Variants in DCUN1D3 observed in about 807,000 individuals in gnomAD.
DCUN1D3 encodes the protein DCN1-like protein 3.
Under a neutral mutation model 24.8 loss-of-function variants are expected in DCUN1D3, and 6 were observed. The observed-to-expected ratio is 0.24, with a 90% CI of 0.13 to 0.48. DCUN1D3 has a LOEUF of 0.48. Among genes scored for constraint, DCUN1D3 ranks in the 20% least tolerant of loss-of-function variants. The pLI, the probability that DCUN1D3 is intolerant of heterozygous loss-of-function variation, is 0.99. For synonymous variants in DCUN1D3, 120 were observed against 144.9 expected (o/e 0.83, Z 1.24); for missense variants, 258 against 379.4 (o/e 0.68, Z 2.66).
intron 1 of DCUN1D3, among the ~76,000 whole-genome samples, chr16:20,881,083 T>A (rs894458369): frequency 6.6e-6 from 1 of 152,224 alleles, no homozygotes; most frequent in African/African-American, 2.4e-5. Flanking sequence ...CAAGTAGTTT[T>A]CAAACTTTAA....
intron 1 of DCUN1D3, among the ~76,000 whole-genome samples, chr16:20,894,313 AG>A (rs1259423381): frequency 1.3e-5 from 2 of 152,290 alleles, no homozygotes; most frequent in Admixed American, 1.3e-4. Flanking sequence ...AAAAAGGGGC[AG>A]GTTTTTTCAA....
Position 20,889,870 on chromosome 16 carries a change from C to T in DCUN1D3, c.-106+10334G>A, listed in dbSNP as rs138520979. ...AGAAAGACCAAGCACATGATTAGACCTCAAAGCCCTACTTTCTGAGCTTTG... is the reference window on the plus strand; with the variant it reads ...AGAAAGACCAAGCACATGATTAGACTTCAAAGCCCTACTTTCTGAGCTTTG... On this transcript the variant is annotated intron_variant, in intron 1 of 2. Coordinates refer to ENST00000324344, the MANE Select transcript of DCUN1D3 (RefSeq NM_173475.4). Among the ~76,000 whole-genome samples the T allele has an allele frequency of 1.5e-3, 229 of 152,262 alleles. 1 individual carries two copies. Among genetic ancestry groups the T allele is most frequent in the African/African-American group, 5.3e-3 (221 of 41,538 alleles).
intron 1 of DCUN1D3, among the ~76,000 whole-genome samples, chr16:20,877,771 G>C (rs12918866): frequency 6.6e-6 from 1 of 152,166 alleles, no homozygotes; most frequent in African/African-American, 2.4e-5. Flanking sequence ...TCCTAAGAAT[G>C]CAGAACTCAA....
At chr16:20,865,939 A>G (rs1453919747) in intron 1 of DCUN1D3, among the ~76,000 whole-genome samples, 1 of 152,212 alleles carries the variant, frequency 6.6e-6, no homozygotes, top group Admixed American at 6.5e-5. Flanking sequence ...AAAGAGAGCA[A>G]TGACAAAAAT....
In DCUN1D3 at chr16:20,900,308, CCCG is replaced by C. The variant is rs1040581040; in HGVS notation, c.-213_-211del. 4 of 152,086 alleles carry C rather than the reference CCCG, an allele frequency of 2.6e-5. No homozygotes were observed. The highest frequency in any genetic ancestry group is 4.8e-5 in the African/African-American group (2 of 41,328). 9.4% of individuals were successfully genotyped at this position (152,086 alleles called of 1,614,324 possible). A position where few individuals can be genotyped will look rare whatever the true frequency, so the allele number is the denominator to read the frequency against. On this transcript the variant is annotated 5_prime_UTR_variant, in exon 1 of 3. Transcript: ENST00000324344. ...CGCTCGCGTTTCCAGGCTCCCTACCCCCGCCGCCGCCGCCTCTTCTTCCACCAC... is the reference window on the plus strand; with the variant it reads ...CGCTCGCGTTTCCAGGCTCCCTACCCCCGCCGCCGCCTCTTCTTCCACCAC...
At chr16:20,893,556 T>C (rs148894535) in intron 1 of DCUN1D3, among the ~76,000 whole-genome samples, 2 of 152,328 alleles carry the variant, frequency 1.3e-5, no homozygotes, top group East Asian at 3.9e-4. Flanking sequence ...AACATTTTAT[T>C]CAACTAGAAT....
chr16:20,856,497 A>C lies in DCUN1D3; in HGVS notation c.*3389T>G, dbSNP rs2081703501. The C allele has an allele frequency of 6.6e-6, 1 of 152,166 alleles. No homozygotes were observed. The highest frequency in any genetic ancestry group is 6.5e-5 in the Admixed American group (1 of 15,276). The allele number at this position is 152,166 out of a possible 1,614,324, so 9.4% of individuals were successfully genotyped here. ...TCCTTGGGGAAGTTTAATATTGAAA[A>C]CACTGCCTTGTACATTTTCAATTGT... On this transcript the variant is annotated 3_prime_UTR_variant, in exon 3 of 3. Transcript: ENST00000324344.
At chr16:20,861,918 G>A (rs1174691038) in intron 2 of DCUN1D3, among the ~76,000 whole-genome samples, 190 bp downstream of exon 2, 1 of 152,122 alleles carries the variant, frequency 6.6e-6, no homozygotes, top group Non-Finnish European at 1.5e-5. Context: ...AGAGTCCAGA[G>A]GGGCTTCTCA....
In DCUN1D3 at chr16:20,857,527, C is replaced by T. The variant is rs2081708068; in HGVS notation, c.*2359G>A. On this transcript the variant is annotated 3_prime_UTR_variant, in exon 3 of 3. Coordinates refer to ENST00000324344, the MANE Select transcript of DCUN1D3 (RefSeq NM_173475.4). ...GGAAAGGGCCTTATCTGGCCAAGAG[C>T]AGCCTGGCTTTTCCCTCAGTCAACC... 1 of 152,222 alleles carries T rather than the reference C, an allele frequency of 6.6e-6. No homozygotes were observed. Among genetic ancestry groups the T allele is most frequent in the African/African-American group, 2.4e-5 (1 of 41,448 alleles). The allele number at this position is 152,222 out of a possible 1,614,324, so 9.4% of individuals were successfully genotyped here. A position where few individuals can be genotyped will look rare whatever the true frequency, so the allele number is the denominator to read the frequency against.
chr16:20,892,894 C>T (rs2081898553), intron 1 of DCUN1D3, among the ~76,000 whole-genome samples: 1 of 152,196 alleles, frequency 6.6e-6, no homozygotes, highest in South Asian at 2.1e-4. Flanking sequence ...AACTAAGAAG[C>T]CTCTCATCCC....
At chr16:20,898,280 G>T (rs1162994359) in intron 1 of DCUN1D3, among the ~76,000 whole-genome samples, 2 of 152,186 alleles carry the variant, frequency 1.3e-5, no homozygotes, top group Non-Finnish European at 2.9e-5. Flanking sequence ...CTACAGTTAA[G>T]ACACTTTCAA....
intron 1 of DCUN1D3, among the ~76,000 whole-genome samples, chr16:20,888,500 C>A (rs2081877105): frequency 1.3e-5 from 2 of 152,080 alleles, no homozygotes; most frequent in African/African-American, 4.8e-5. Context: ...ACTTTGTCAC[C>A]CCGAATGGAG....
intron 1 of DCUN1D3, among the ~76,000 whole-genome samples, chr16:20,877,250 T>C (rs930971510): frequency 3.3e-4 from 50 of 152,032 alleles, no homozygotes; most frequent in African/African-American, 1.2e-3. Context: ...TGGGACTGAG[T>C]TCTGCGATGA....
At chr16:20,865,623 A>G (rs774348744) in intron 1 of DCUN1D3, among the ~76,000 whole-genome samples, 33 of 152,244 alleles carry the variant, frequency 2.2e-4, no homozygotes, top group African/African-American at 7.7e-4. Context: ...ACAGAAGTCA[A>G]CGTCAGTCAC....
rs960148421 is a variant in DCUN1D3, at chr16:20,869,607, A to C, written c.-105-6964T>G. ...TTAATTCTGGTCCTTAAATGTCTATAAGCATGAAATGGAAAGGAGGAGGGA... is the reference window on the plus strand; with the variant it reads ...TTAATTCTGGTCCTTAAATGTCTATCAGCATGAAATGGAAAGGAGGAGGGA... On this transcript the variant is annotated intron_variant, in intron 1 of 2. Transcript: ENST00000324344. Among the ~76,000 whole-genome samples, 13 of 152,214 alleles carry C rather than the reference A, an allele frequency of 8.5e-5. 1 individual carries two copies. The highest frequency in any genetic ancestry group is 5.9e-4 in the Admixed American group (9 of 15,278).
intron 1 of DCUN1D3, among the ~76,000 whole-genome samples, chr16:20,894,646 A>G (rs1306713965): frequency 1.3e-5 from 2 of 152,238 alleles, no homozygotes; most frequent in African/African-American, 4.8e-5. Context: ...GAACAAGGTC[A>G]AGCCCTCAGG....
In DCUN1D3 at chr16:20,855,151, G is replaced by A. The variant is rs2081696426; in HGVS notation, c.*4735C>T. 2 of 152,408 alleles carry A rather than the reference G, an allele frequency of 1.3e-5. No homozygotes were observed. The highest frequency in any genetic ancestry group is 2.4e-5 in the African/African-American group (1 of 41,582). 9.4% of individuals were successfully genotyped at this position (152,408 alleles called of 1,614,324 possible). Reference sequence around the variant, plus strand: ...CAGACACACTGGTCACAAACCAAGAGGGATCCACAAAGGTGGAGGGTCACA... The same window carrying A: ...CAGACACACTGGTCACAAACCAAGAAGGATCCACAAAGGTGGAGGGTCACA... On this transcript the variant is annotated 3_prime_UTR_variant, in exon 3 of 3. Transcript: ENST00000324344.
At position 20,860,607 on chromosome 16, in the gene DCUN1D3, G is replaced by A. The variant is rs1168422834; in HGVS notation, c.432-238C>T. ...CTGCTTCTAACAGTGCCTGGCACAC[G>A]GTTGGCAGCTGATAATGGTTCATTT... On this transcript the variant is annotated intron_variant, in intron 2 of 2. Coordinates refer to ENST00000324344, the MANE Select transcript of DCUN1D3 (RefSeq NM_173475.4). This position sits in a 1 kb window ranked among gnomAD's most constrained non-coding sequence, Gnocchi z 4.3. 1.3e-5 allele frequency among the ~76,000 whole-genome samples: 2 copies of A among 152,182 alleles called. No individual in the cohort carries two copies. The highest frequency in any genetic ancestry group is 6.5e-5 in the Admixed American group (1 of 15,284).
At chr16:20,888,551 C>T (rs532091507) in intron 1 of DCUN1D3, among the ~76,000 whole-genome samples, 1 of 152,288 alleles carries the variant, frequency 6.6e-6, no homozygotes, top group East Asian at 1.9e-4. Flanking sequence ...CTCAACTTTC[C>T]GGGCTAGGGT....
Sources: gnomAD v4.1 joint callset for allele counts (sites outside exome capture counted in the v4.1 genomes callset) on GRCh38, gnomAD v4.1.1 for gene constraint, Gnocchi (gnomAD v3.1) non-coding constraint, MANE v1.5 for transcripts, NCBI Gene and HGNC (gene_info 2026-07-23, HGNC 2026-07-21) for gene names.